Variants in TRAPPC9 observed in about 807,000 individuals in gnomAD.
TRAPPC9 encodes the protein trafficking protein particle complex subunit 9, also known as IKK2 binding protein.
Under a neutral mutation model 124.0 loss-of-function variants are expected in TRAPPC9, and 83 were observed. That is an observed-to-expected ratio of 0.67 (90% CI 0.56 to 0.80). The LOEUF (loss-of-function observed/expected upper bound fraction) is 0.80. Ranked by LOEUF, TRAPPC9 falls within the 30% of genes least tolerant of loss-of-function variation. TRAPPC9 has a pLI of 0.00. For missense variants in TRAPPC9, 1,302 were observed against 1,508.3 expected, an observed-to-expected ratio of 0.86 and a Z score of 2.27; for synonymous variants, 638 against 617.5, an observed-to-expected ratio of 1.03 and a Z score of -0.49.
chr8:140,323,093 G>A (rs536018050), intron 9 of TRAPPC9, among the ~76,000 whole-genome samples: 5 of 152,278 alleles, frequency 3.3e-5, no homozygotes, highest in Admixed American at 2.0e-4. Context: ...ACTGAAAGTC[G>A]AGTTGATCAG....
intron 20 of TRAPPC9, among the ~76,000 whole-genome samples, chr8:139,905,867 G>T (rs1262032970): frequency 6.6e-6 from 1 of 152,080 alleles, no homozygotes. Flanking sequence ...GGCCGAGGCG[G>T]GCGGATCACG....
At chr8:140,435,063 T>C in intron 4 of TRAPPC9, 49 bp downstream of exon 4, 1 of 1,613,912 alleles carries the variant, frequency 6.2e-7, no homozygotes, top group African/African-American at 1.3e-5. Context: ...GAGTCTGCTT[T>C]ATTTAAAGAC....
chr8:140,294,190 C>G (rs1408262937), intron 11 of TRAPPC9, among the ~76,000 whole-genome samples: 1 of 152,126 alleles, frequency 6.6e-6, no homozygotes, highest in Non-Finnish European at 1.5e-5. Flanking sequence ...AGGTCTTGTC[C>G]TTCCCTCATC....
intron 16 of TRAPPC9, among the ~76,000 whole-genome samples, chr8:140,250,098 G>C (rs116126891): frequency 1.3e-5 from 2 of 152,032 alleles, no homozygotes; most frequent in Admixed American, 6.6e-5. Context: ...GATCATGCAC[G>C]GCATTTGATT....
rs867331125 is a variant in TRAPPC9, at chr8:139,968,455, C to T, written c.2810+20271G>A. 5.3e-5 allele frequency among the ~76,000 whole-genome samples: 8 copies of T among 152,156 alleles called. No individual in the cohort carries two copies. In the South Asian group the frequency reaches 6.2e-4, roughly 12 times the overall value. On this transcript the variant is annotated intron_variant, in intron 19 of 22. Transcript: ENST00000438773. ...CCCTGAAATATGGTGGGGACAAGGC[C>T]AGCAGGAACAATGGGACTCGGCCGG...
intron 19 of TRAPPC9, among the ~76,000 whole-genome samples, chr8:139,952,815 C>A (rs887723372): frequency 6.6e-6 from 1 of 152,224 alleles, no homozygotes; most frequent in African/African-American, 2.4e-5. Context: ...AGGCACTGTG[C>A]TAAGCACATC....
intron 17 of TRAPPC9, among the ~76,000 whole-genome samples, chr8:140,200,301 T>C (rs542015484): frequency 6.6e-6 from 1 of 152,274 alleles, no homozygotes; most frequent in African/African-American, 2.4e-5. Flanking sequence ...GGACAAGACC[T>C]TCGTAAAGAA....
At chr8:140,350,903 A>C (rs2067548359) in intron 9 of TRAPPC9, among the ~76,000 whole-genome samples, 1 of 151,962 alleles carries the variant, frequency 6.6e-6, no homozygotes, top group South Asian at 2.1e-4. Flanking sequence ...TGCAATTTAA[A>C]CAGTAACTGT....
At chr8:140,071,584 C>A (rs1307796649) in intron 17 of TRAPPC9, among the ~76,000 whole-genome samples, 4 of 152,176 alleles carry the variant, frequency 2.6e-5, no homozygotes, top group Non-Finnish European at 5.9e-5. Flanking sequence ...CACAGTCCTG[C>A]CAGAGGCCCG....
intron 17 of TRAPPC9, among the ~76,000 whole-genome samples, chr8:140,167,835 A>C (rs1317283848): frequency 1.3e-5 from 2 of 152,136 alleles, no homozygotes; most frequent in African/African-American, 4.8e-5. Flanking sequence ...GAACATCTCC[A>C]TTTTCTCGAT....
chr8:140,030,186 T>C (rs545207290), intron 17 of TRAPPC9, among the ~76,000 whole-genome samples: 1 of 152,310 alleles, frequency 6.6e-6, no homozygotes, highest in East Asian at 1.9e-4. Flanking sequence ...AAAACCATAC[T>C]TGATGATAAG....
chr8:140,418,217 T>G (rs910100751), intron 5 of TRAPPC9, among the ~76,000 whole-genome samples: 15 of 151,930 alleles, frequency 9.9e-5, no homozygotes, highest in Admixed American at 2.6e-4. Flanking sequence ...TAATAAAAAA[T>G]AAAAATAAAG....
At chr8:140,404,901 TGAGCATGC>T (rs1361715917) in intron 6 of TRAPPC9, among the ~76,000 whole-genome samples, 111 of 137,690 alleles carry the variant, frequency 8.1e-4, no homozygotes, top group Non-Finnish European at 1.5e-3. Flanking sequence ...CACGTGTGTG[TGAGCATGC>T]GTGTGTGTGT....
At chr8:140,052,137 T>C (rs1286375845) in intron 17 of TRAPPC9, among the ~76,000 whole-genome samples, 2 of 151,772 alleles carry the variant, frequency 1.3e-5, no homozygotes, top group Non-Finnish European at 2.9e-5. Context: ...CATTCCAGGG[T>C]TTATAATGCT....
chr8:140,328,503 T>G lies in TRAPPC9; in HGVS notation c.1496-17129A>C, dbSNP rs137899020. On this transcript the variant is annotated intron_variant, in intron 9 of 22. Transcript: ENST00000438773. Reference sequence around the variant, plus strand: ...CTCAAGAATGTAAAATCAAACATCATATGTTCTCACTCCTAAGTGGGAGCT... The same window carrying G: ...CTCAAGAATGTAAAATCAAACATCAGATGTTCTCACTCCTAAGTGGGAGCT... 4.5e-4 allele frequency among the ~76,000 whole-genome samples: 68 copies of G among 152,122 alleles called. No homozygotes were observed. The East Asian group carries it at 0.013, about 29-fold the overall frequency.
intron 9 of TRAPPC9, among the ~76,000 whole-genome samples, chr8:140,312,087 A>T (rs544113120): frequency 6.6e-6 from 1 of 152,142 alleles, no homozygotes; most frequent in Non-Finnish European, 1.5e-5. Flanking sequence ...CAGATGAAAA[A>T]CCTGAGACCA....
intron 21 of TRAPPC9, among the ~76,000 whole-genome samples, chr8:139,790,747 T>A (rs1347129090): frequency 6.6e-6 from 1 of 152,150 alleles, no homozygotes; most frequent in African/African-American, 2.4e-5. Flanking sequence ...TATGGTTGGA[T>A]GTTTGTCTCC....
chr8:140,426,803 C>T (rs924616594), intron 4 of TRAPPC9, among the ~76,000 whole-genome samples, 162 bp from the exon 5 acceptor site: 1 of 152,190 alleles, frequency 6.6e-6, no homozygotes, highest in Admixed American at 6.5e-5. Context: ...AAGTTTGGTG[C>T]CTTTTTGCTT....
At chr8:140,141,849 C>T (rs1373987377) in intron 17 of TRAPPC9, among the ~76,000 whole-genome samples, 2 of 152,154 alleles carry the variant, frequency 1.3e-5, no homozygotes, top group South Asian at 2.1e-4. Flanking sequence ...GGAACCTTGA[C>T]CAATATTAAT....
Sources: gnomAD v4.1 joint callset for allele counts (sites outside exome capture counted in the v4.1 genomes callset) on GRCh38, gnomAD v4.1.1 for gene constraint, MANE v1.5 for transcripts, NCBI Gene and HGNC (gene_info 2026-07-23, HGNC 2026-07-21) for gene names.